The following PCDHA3 variants were observed in gnomAD, a reference collection of about 807,000 sequenced individuals.
PCDHA3 encodes protocadherin alpha-3.
PCDHA3 carries 41 observed loss-of-function variants against 62.2 expected under a neutral mutation model. That is an observed-to-expected ratio of 0.66 (90% CI 0.51 to 0.86). The LOEUF (loss-of-function observed/expected upper bound fraction) is 0.86. Among genes scored for constraint, PCDHA3 ranks in the 40% least tolerant of loss-of-function variants. The pLI is 0.00. For synonymous variants in PCDHA3, 640 were observed against 555.4 expected (o/e 1.15, Z -2.14); for missense variants, 1,304 against 1,241.2 (o/e 1.05, Z -0.76).
Position 141,009,922 on chromosome 5 carries a change from C to G in PCDHA3, c.2838C>G (p.Asp946Glu), listed in dbSNP as rs1554262572. 6.2e-7 allele frequency: 1 copy of G among 1,608,774 alleles called. No individual in the cohort carries two copies. Among genetic ancestry groups the G allele is most frequent in the South Asian group, 1.1e-5 (1 of 90,050 alleles). The change falls in exon 4 of 4, where the codon GAC becomes GAG. Residue 946 changes from aspartate to glutamate, a missense_variant. Coordinates refer to ENST00000522353, the MANE Select transcript of PCDHA3 (RefSeq NM_018906.3). ...AAGAGAAAGGGAACAGCACGACTGACAACAGTGACCAGTGAGGTCCTCAAA... is the reference window on the plus strand; with the variant it reads ...AAGAGAAAGGGAACAGCACGACTGAGAACAGTGACCAGTGAGGTCCTCAAA... ...EKKEKGNSTT[D>E]NSDQ
At chr5:140,877,259 C>G in intron 1 of PCDHA3, 1 of 1,613,752 alleles carries the variant, frequency 6.2e-7, no homozygotes, top group Non-Finnish European at 8.5e-7. Flanking sequence ...AAAGTGCGCG[C>G]GGTGGACGCT....
chr5:140,852,930 G>A (rs1581296305), intron 1 of PCDHA3: 1 of 621,568 alleles, frequency 1.6e-6, no homozygotes, highest in East Asian at 1.3e-4. Context: ...CCAGGCTGGA[G>A]TGCAGTGGTG....
intron 1 of PCDHA3, chr5:140,850,107 C>G (rs2150467518): frequency 6.3e-7 from 1 of 1,596,166 alleles, no homozygotes; most frequent in East Asian, 2.2e-5. Context: ...GGTGAGCGCG[C>G]GCGACGCGGG....
chr5:140,880,970 C>A (rs2058546777), intron 1 of PCDHA3, among the ~76,000 whole-genome samples: 1 of 152,070 alleles, frequency 6.6e-6, no homozygotes, highest in South Asian at 2.1e-4. Context: ...TAAGAGAATA[C>A]CAAATACTCT....
At chr5:140,920,294 A>T (rs1554199563) in intron 1 of PCDHA3, among the ~76,000 whole-genome samples, 9 of 152,206 alleles carry the variant, frequency 5.9e-5, no homozygotes. Context: ...TTTTAGAGGC[A>T]CTAAGAGAAA....
intron 1 of PCDHA3, chr5:140,862,283 C>T (rs565843609): frequency 1.5e-5 from 4 of 263,874 alleles, no homozygotes; most frequent in African/African-American, 8.7e-5. Flanking sequence ...ATTCCCTGTA[C>T]AGGAGGACGC....
At chr5:140,823,098 T>C (rs1244552333) in intron 1 of PCDHA3, 8 of 1,613,868 alleles carry the variant, frequency 5.0e-6, no homozygotes, top group Middle Eastern at 1.7e-4. Context: ...CCAGCGTGTC[T>C]GTGGAAGTGG....
chr5:140,836,506 CCA>C, intron 1 of PCDHA3: 2 of 1,613,884 alleles, frequency 1.2e-6, no homozygotes, highest in Non-Finnish European at 1.7e-6. Context: ...TGCGCGGTGT[CCA>C]GTCTGTTGGT....
At chr5:140,937,064 G>A (rs2091301496) in intron 1 of PCDHA3, among the ~76,000 whole-genome samples, 1 of 143,854 alleles carries the variant, frequency 7.0e-6, no homozygotes, top group Admixed American at 7.1e-5. Context: ...TTGAGACGGA[G>A]TCTCGCTCTG....
At chr5:141,005,288 T>A (rs908780920) in intron 3 of PCDHA3, among the ~76,000 whole-genome samples, 1 of 152,176 alleles carries the variant, frequency 6.6e-6, no homozygotes. Flanking sequence ...AACAGATACA[T>A]TTTTTGCCTT....
At chr5:141,000,030 C>T (rs1261016075) in intron 3 of PCDHA3, among the ~76,000 whole-genome samples, 3 of 152,058 alleles carry the variant, frequency 2.0e-5, no homozygotes, top group African/African-American at 7.2e-5. Flanking sequence ...GCCTGACATC[C>T]AATCACACAC....
rs782417048 is a variant in PCDHA3, at chr5:140,802,923, G to A, written c.1726G>A (p.Ala576Thr). 6.2e-7 allele frequency: 1 copy of A among 1,613,782 alleles called. No homozygotes were observed. Among genetic ancestry groups the A allele is most frequent in the Non-Finnish European group, 8.5e-7 (1 of 1,179,886 alleles). ...LMPRVGGIGG[A>T]VSELVPRSVG... ...GCCTCGGGTGGGTGGCATCGGTGGC[G>A]CAGTGAGCGAGCTGGTGCCGCGGTC... The change falls in exon 1 of 4, where the codon GCA becomes ACA. Residue 576 changes from alanine (A) to threonine (T), a missense_variant. Ala to Thr is a moderately conservative substitution (Grantham distance 58). Coordinates refer to ENST00000522353, the MANE Select transcript of PCDHA3 (RefSeq NM_018906.3).
intron 1 of PCDHA3, chr5:140,831,049 T>C (rs1289663905): frequency 6.6e-6 from 1 of 152,264 alleles, no homozygotes; most frequent in Non-Finnish European, 1.5e-5. Flanking sequence ...ATAGTGTTCA[T>C]TTATTGTCCC....
intron 1 of PCDHA3, among the ~76,000 whole-genome samples, chr5:140,833,644 A>G (rs1048308500): frequency 1.3e-5 from 2 of 152,196 alleles, no homozygotes; most frequent in African/African-American, 4.8e-5. Context: ...AAAAGTTCAC[A>G]TGATACAAAT....
At chr5:141,000,414 TATA>T (rs1563651539) in intron 3 of PCDHA3, among the ~76,000 whole-genome samples, 16 of 99,530 alleles carry the variant, frequency 1.6e-4, no homozygotes, top group African/African-American at 2.5e-4. Flanking sequence ...TATATATATA[TATA>T]TATATTTTTT....
rs782251882 is a variant in PCDHA3 at position 140,869,140 on chromosome 5, C to T, written c.2394+65549C>T. 4 of 1,613,188 alleles carry T rather than the reference C, an allele frequency of 2.5e-6. No homozygotes were observed. In the South Asian group the frequency reaches 3.3e-5, roughly 13 times the overall value. On this transcript the variant is annotated intron_variant, in intron 1 of 3. Coordinates refer to ENST00000522353, the MANE Select transcript of PCDHA3 (RefSeq NM_018906.3). ...TCAGAGAAGGGGATTGGGCACCCCA[C>T]GACTACAGCTCTGGCTTCTCCTCCT...
rs1237282908 is a variant in PCDHA3, at chr5:140,877,400, C to T, written c.2394+73809C>T. ...CGCATCCTGGATGAGGCGGACGCTC[C>T]GCGCCACCGCCTGCTGGTGCTGGTG... On this transcript the variant is annotated intron_variant, in intron 1 of 3. Coordinates refer to ENST00000522353, the MANE Select transcript of PCDHA3 (RefSeq NM_018906.3). The T allele has an allele frequency of 7.4e-6, 12 of 1,613,804 alleles. No homozygotes were observed. The Admixed American group carries it at 1.8e-4, about 25-fold the overall frequency.
chr5:140,829,741 G>T (rs1770531825), intron 1 of PCDHA3: 4 of 1,613,668 alleles, frequency 2.5e-6, no homozygotes, highest in Non-Finnish European at 3.4e-6. Context: ...GCAACGTGAC[G>T]CTGCAGGTGT....
chr5:140,960,258 T>G (rs551623092), intron 1 of PCDHA3, among the ~76,000 whole-genome samples: 1 of 152,248 alleles, frequency 6.6e-6, no homozygotes, highest in Non-Finnish European at 1.5e-5. Context: ...CTGGAGCTTC[T>G]GATAAATTCC....
Sources: allele counts gnomAD v4.1 joint callset (sites outside exome capture counted in the v4.1 genomes callset), GRCh38; gene constraint gnomAD v4.1.1; transcripts MANE v1.5; gene names NCBI Gene and HGNC (gene_info 2026-07-23, HGNC 2026-07-21).